The following BTNL9 variants were observed in gnomAD, a reference collection of about 807,000 sequenced individuals.
BTNL9 encodes the protein butyrophilin-like protein 9.
A neutral mutation model predicts 45.8 loss-of-function variants in BTNL9; 45 were observed. That is an observed-to-expected ratio of 0.98 (90% CI 0.77 to 1.26). The LOEUF is 1.26. Ranked by LOEUF, BTNL9 falls within the 50% of genes most tolerant of loss-of-function variation. BTNL9 has a pLI of 0.00. For synonymous variants in BTNL9, 346 were observed against 330.8 expected (o/e 1.05, Z -0.50); for missense variants, 784 against 729.7 (o/e 1.07, Z -0.86).
At position 181,053,177 on chromosome 5, in the gene BTNL9, C is replaced by A; in HGVS notation, c.737-23C>A. ...GTGCTCAGCGGCGCCTGGACCGACA[C>A]GGCCCCCGCGGGTGTTTTCCAGACG... is the stretch of plus-strand genomic sequence containing the variant. On this transcript the variant is annotated intron_variant, in intron 4 of 10. Coordinates refer to ENST00000327705, the MANE Select transcript of BTNL9 (RefSeq NM_152547.5). This position sits in a 1 kb window ranked among gnomAD's most constrained non-coding sequence, Gnocchi z 6.5. 2 of 1,559,312 alleles carry A rather than the reference C, an allele frequency of 1.3e-6. No homozygotes were observed. Among genetic ancestry groups the A allele is most frequent in the Non-Finnish European group, 1.7e-6 (2 of 1,151,698 alleles).
intron 1 of BTNL9, 116 bp downstream of exon 1, chr5:181,040,548 C>T (rs1349540648): frequency 2.6e-5 from 4 of 152,284 alleles, no homozygotes; most frequent in African/African-American, 9.6e-5. Flanking sequence ...TTTTATTATC[C>T]GAGCTTGGCC....
At chr5:181,046,694 A>C (rs1310433228) in intron 2 of BTNL9, among the ~76,000 whole-genome samples, 3 of 151,908 alleles carry the variant, frequency 2.0e-5, no homozygotes, top group Non-Finnish European at 4.4e-5. Context: ...AGAGAGAGAG[A>C]GAGCGAGAGA....
chr5:181,041,532 T>C lies in BTNL9; in HGVS notation c.-24+1100T>C, dbSNP rs371123539. Among the ~76,000 whole-genome samples the C allele has an allele frequency of 3.3e-4, 50 of 152,314 alleles. No homozygotes were observed. In the South Asian group the frequency reaches 7.7e-3, roughly 23 times the overall value. On this transcript the variant is annotated intron_variant, in intron 1 of 10. Transcript: ENST00000327705. ...TTGCTGAAAGTTGGAGAAAAGGACATGTGTAGAGAAAATGGGATGCTTCAG... is the reference window on the plus strand; with the variant it reads ...TTGCTGAAAGTTGGAGAAAAGGACACGTGTAGAGAAAATGGGATGCTTCAG...
In BTNL9 at chr5:181,056,035, C is replaced by G; in HGVS notation, c.955+20C>G. 1 of 1,613,788 alleles carries G rather than the reference C, an allele frequency of 6.2e-7. No individual in the cohort carries two copies. Among genetic ancestry groups the G allele is most frequent in the Non-Finnish European group, 8.5e-7 (1 of 1,179,746 alleles). ...AGGCTGGTGAGTGGAACCCATCTCT[C>G]TCTGACTCCTCCTCATTTATATCTG... On this transcript the variant is annotated intron_variant, in intron 9 of 10. Transcript: ENST00000327705.
At position 181,053,660 on chromosome 5, in the gene BTNL9, G is replaced by C; in HGVS notation, c.886+159G>C. 6.5e-7 allele frequency: 1 copy of C among 1,534,052 alleles called. No homozygotes were observed. Among genetic ancestry groups the C allele is most frequent in the South Asian group, 1.2e-5 (1 of 81,478 alleles). ...GGTGACCCCGGTGGGGAAGGGGGAA[G>C]ATCGTTCATATGGACAAAAGCGGAG... On this transcript the variant is annotated intron_variant, in intron 6 of 10. Coordinates refer to ENST00000327705, the MANE Select transcript of BTNL9 (RefSeq NM_152547.5). This position sits in a 1 kb window ranked among gnomAD's most constrained non-coding sequence, Gnocchi z 6.5.
At position 181,055,267 on chromosome 5, in the gene BTNL9, CTT is replaced by C. The variant is rs1326869266; in HGVS notation, c.908-162_908-161del. The C allele has an allele frequency of 3.3e-6, 5 of 1,493,608 alleles. No individual in the cohort carries two copies. The highest frequency in any genetic ancestry group is 1.8e-4 in the Middle Eastern group (1 of 5,622). The allele number at this position is 1,493,608 out of a possible 1,614,324, so 92.5% of individuals were successfully genotyped here. Reference sequence around the variant, plus strand: ...GCATAAGAGTCCTGCAGATGGGCCTCTTTTTGAGGGCAATGAAGGGGCAAAGA... The same window carrying C: ...GCATAAGAGTCCTGCAGATGGGCCTCTTTGAGGGCAATGAAGGGGCAAAGA... On this transcript the variant is annotated intron_variant, in intron 7 of 10. Transcript: ENST00000327705. The surrounding 1 kb of genome is among the most constrained non-coding windows in gnomAD (Gnocchi z 4.4).
intron 3 of BTNL9, among the ~76,000 whole-genome samples, chr5:181,049,680 G>A (rs1380950772): frequency 1.3e-5 from 2 of 152,196 alleles, no homozygotes; most frequent in Admixed American, 1.3e-4. Flanking sequence ...CCACAAGGAT[G>A]GAGAGATAAG....
In BTNL9 at chr5:181,053,418, G is replaced by C. The variant is rs981686278; in HGVS notation, c.854-51G>C. Reference sequence around the variant, plus strand: ...AGGACGCGGCGCGGGAAGGCGGCCTGGAAGGGGCGGGGGCGCGCACTCAGC... The same window carrying C: ...AGGACGCGGCGCGGGAAGGCGGCCTCGAAGGGGCGGGGGCGCGCACTCAGC... On this transcript the variant is annotated intron_variant, in intron 5 of 10. Coordinates refer to ENST00000327705, the MANE Select transcript of BTNL9 (RefSeq NM_152547.5). This position sits in a 1 kb window ranked among gnomAD's most constrained non-coding sequence, Gnocchi z 6.5. The C allele has an allele frequency of 3.2e-6, 5 of 1,545,918 alleles. No homozygotes were observed. Among genetic ancestry groups the C allele is most frequent in the Admixed American group, 2.0e-5 (1 of 50,688 alleles).
chr5:181,052,302 G>A (rs1761582754), intron 4 of BTNL9, among the ~76,000 whole-genome samples: 1 of 152,108 alleles, frequency 6.6e-6, no homozygotes, highest in Non-Finnish European at 1.5e-5. Context: ...AGTATACGGA[G>A]GGCGCCAGGG....
intron 2 of BTNL9, chr5:181,047,408 A>G (rs971514172): frequency 4.0e-6 from 3 of 754,676 alleles, no homozygotes; most frequent in Non-Finnish European, 4.8e-6. Flanking sequence ...GAAGCTGTAC[A>G]TGTGAATTAT....
rs548565333 is a variant in BTNL9, at chr5:181,042,511, G to A, written c.-24+2079G>A. On this transcript the variant is annotated intron_variant, in intron 1 of 10. Coordinates refer to ENST00000327705, the MANE Select transcript of BTNL9 (RefSeq NM_152547.5). This position sits in a 1 kb window ranked among gnomAD's most constrained non-coding sequence, Gnocchi z 4.5. ...GATCCTTAACTGAAGAGTGAGGTCA[G>A]AAAGGGCGGACGCACAGCAGCAAAC... is the stretch of plus-strand genomic sequence containing the variant. 8.7e-4 allele frequency among the ~76,000 whole-genome samples: 133 copies of A among 152,328 alleles called. No individual in the cohort carries two copies. Among genetic ancestry groups the A allele is most frequent in the Non-Finnish European group, 1.7e-3 (115 of 68,026 alleles).
Position 181,053,808 on chromosome 5 carries a change from T to C in BTNL9, c.886+307T>C, listed in dbSNP as rs9942308. On this transcript the variant is annotated intron_variant, in intron 6 of 10. Coordinates refer to ENST00000327705, the MANE Select transcript of BTNL9 (RefSeq NM_152547.5). This position sits in a 1 kb window ranked among gnomAD's most constrained non-coding sequence, Gnocchi z 6.5. Reference sequence around the variant, plus strand: ...CAGAGGGAGCGGTGACCAGGGTCTCTGCTGCCAGCGCCACCTCGTCCAGGT... The same window carrying C: ...CAGAGGGAGCGGTGACCAGGGTCTCCGCTGCCAGCGCCACCTCGTCCAGGT... 50,286 of 1,517,274 alleles carry C rather than the reference T, an allele frequency of 0.033. 1,949 individuals carry two copies. The highest frequency in any genetic ancestry group is 0.17 in the African/African-American group (12,459 of 72,744). The allele number at this position is 1,517,274 out of a possible 1,614,324, so 94.0% of individuals were successfully genotyped here.
In BTNL9 at chr5:181,055,303, T is replaced by TTA. The variant is rs1554158457; in HGVS notation, c.908-130_908-129insTA. On this transcript the variant is annotated intron_variant, in intron 7 of 10. Transcript: ENST00000327705. This position sits in a 1 kb window ranked among gnomAD's most constrained non-coding sequence, Gnocchi z 4.4. ...CAATGAAGGGGCAAAGAGGAAGCTG[T>TTA]AAAAAAAAAAAAATGAAGCTGTGAT... 4.2e-5 allele frequency: 56 copies of TTA among 1,319,014 alleles called. No homozygotes were observed. Among genetic ancestry groups the TTA allele is most frequent in the Middle Eastern group, 2.0e-4 (1 of 5,062 alleles). 81.7% of individuals were successfully genotyped at this position (1,319,014 alleles called of 1,614,324 possible).
At chr5:181,058,502 C>G in intron 10 of BTNL9, 124 bp downstream of exon 10, 2 of 1,269,178 alleles carry the variant, frequency 1.6e-6, no homozygotes, top group Non-Finnish European at 2.3e-6. Flanking sequence ...CCTGCACACA[C>G]AAGACACACA....
chr5:181,044,230 A>C (rs1449401763), intron 1 of BTNL9, among the ~76,000 whole-genome samples: 1 of 152,190 alleles, frequency 6.6e-6, no homozygotes, highest in Non-Finnish European at 1.5e-5. Flanking sequence ...TGCATGGCCC[A>C]GCAGCTTTGA....
chr5:181,041,067 G>A (rs372140461), intron 1 of BTNL9, among the ~76,000 whole-genome samples: 4 of 152,258 alleles, frequency 2.6e-5, no homozygotes, highest in Non-Finnish European at 4.4e-5. Flanking sequence ...GTGTTTGGGA[G>A]AGCAAGAGAC....
intron 9 of BTNL9, 116 bp from the exon 10 acceptor site, chr5:181,058,236 G>A: frequency 8.3e-7 from 1 of 1,210,772 alleles, no homozygotes; most frequent in Non-Finnish European, 1.2e-6. Flanking sequence ...TTGTCACAGT[G>A]GGAATGGGGT....
In BTNL9 at chr5:181,053,373, CCGCGGAGG is replaced by C; in HGVS notation, c.853+61_853+68del. On this transcript the variant is annotated intron_variant, in intron 5 of 10. Transcript: ENST00000327705. The surrounding 1 kb of genome is among the most constrained non-coding windows in gnomAD (Gnocchi z 6.5). ...CACCGGCCGGTGCTGAACCCCGGGG[CCGCGGAGG>C]CGCCTCCCCCCAGGACGCGGCGCGG... is the stretch of plus-strand genomic sequence containing the variant. 6.6e-7 allele frequency: 1 copy of C among 1,511,932 alleles called. No individual in the cohort carries two copies. The highest frequency in any genetic ancestry group is 8.8e-7 in the Non-Finnish European group (1 of 1,130,034). The allele number at this position is 1,511,932 out of a possible 1,614,324, so 93.7% of individuals were successfully genotyped here. A position where few individuals can be genotyped will look rare whatever the true frequency, so the allele number is the denominator to read the frequency against.
chr5:181,053,488 G>T lies in BTNL9; in HGVS notation c.873G>T (p.Ala291=). 6.3e-7 allele frequency: 1 copy of T among 1,578,964 alleles called. No homozygotes were observed. The highest frequency in any genetic ancestry group is 2.3e-5 in the East Asian group (1 of 43,474). Residue 291 remains alanine, a synonymous_variant, in exon 6 of 11, where the codon GCG becomes GCT. Coordinates refer to ENST00000327705, the MANE Select transcript of BTNL9 (RefSeq NM_152547.5). The surrounding 1 kb of genome is among the most constrained non-coding windows in gnomAD (Gnocchi z 6.5). Reference sequence around the variant, plus strand: ...CTTCAGAAAAGCTGAGGAAGCAGGCGGAGAAGAGACAAGGTGAGCGGGGAC... The same window carrying T: ...CTTCAGAAAAGCTGAGGAAGCAGGCTGAGAAGAGACAAGGTGAGCGGGGAC... ...RRSREKLRKQ[A]EKRQEKLTAE...
Sources: allele counts gnomAD v4.1 joint callset (sites outside exome capture counted in the v4.1 genomes callset), GRCh38; gene constraint gnomAD v4.1.1; non-coding constraint Gnocchi (gnomAD v3.1); transcripts MANE v1.5; gene names NCBI Gene and HGNC (gene_info 2026-07-23, HGNC 2026-07-21).